Variants in RTTN observed in about 807,000 individuals in gnomAD.
RTTN encodes the protein rotatin.
RTTN carries 182 observed loss-of-function variants against 269.2 expected under a neutral mutation model. That is an observed-to-expected ratio of 0.68 (90% CI 0.60 to 0.76). The LOEUF (loss-of-function observed/expected upper bound fraction) is 0.76, where lower values mean the gene tolerates loss of function less well. Ranked by LOEUF, RTTN falls within the 30% of genes least tolerant of loss-of-function variation. The pLI, the probability that RTTN is intolerant of heterozygous loss-of-function variation, is 0.00. For synonymous variants in RTTN, 1,006 were observed against 963.5 expected (o/e 1.04, Z -0.82); for missense variants, 2,545 against 2,608.6 (o/e 0.98, Z 0.53).
At chr18:70,188,880 G>A (rs1021917398) in intron 9 of RTTN, among the ~76,000 whole-genome samples, 1 of 151,858 alleles carries the variant, frequency 6.6e-6, no homozygotes, top group African/African-American at 2.4e-5. Flanking sequence ...GCATCCCAAA[G>A]GTTAAGTTCT....
chr18:70,086,511 T>C (rs1412580868), intron 32 of RTTN, 102 bp downstream of exon 32: 2 of 952,806 alleles, frequency 2.1e-6, no homozygotes, highest in African/African-American at 1.7e-5. Context: ...TGCTGTCTTG[T>C]ATATAGTTTC....
chr18:70,056,032 A>G (rs2057807780), intron 37 of RTTN, among the ~76,000 whole-genome samples: 1 of 151,962 alleles, frequency 6.6e-6, no homozygotes, highest in Admixed American at 6.6e-5. Context: ...CCCATCCTCA[A>G]TTGCTTTTTT....
At chr18:70,033,505 A>T (rs1226973049) in intron 40 of RTTN, among the ~76,000 whole-genome samples, 1 of 152,250 alleles carries the variant, frequency 6.6e-6, no homozygotes, top group East Asian at 1.9e-4. Flanking sequence ...TAAGGCAGAA[A>T]TCAGTAAGTT....
At chr18:70,110,773 C>A (rs2059444086) in intron 27 of RTTN, among the ~76,000 whole-genome samples, 1 of 152,216 alleles carries the variant, frequency 6.6e-6, no homozygotes, top group African/African-American at 2.4e-5. Context: ...CTCAGCAGGT[C>A]CCACTCCCAC....
chr18:70,105,084 CT>C (rs1411418824), intron 28 of RTTN, among the ~76,000 whole-genome samples: 10 of 152,138 alleles, frequency 6.6e-5, no homozygotes, highest in African/African-American at 2.4e-4. Context: ...CAGCTATGCC[CT>C]GCCCCCAGAA....
chr18:70,140,216 T>G (rs374591512), intron 19 of RTTN, 28 bp from the exon 20 acceptor site: 2 of 1,320,222 alleles, frequency 1.5e-6, no homozygotes, highest in East Asian at 2.3e-5. Context: ...TACTAAAAGT[T>G]AAAGCACATT....
intron 48 of RTTN, among the ~76,000 whole-genome samples, 175 bp downstream of exon 48, chr18:70,005,023 A>C (rs978881014): frequency 1.3e-5 from 2 of 152,198 alleles, no homozygotes; most frequent in Non-Finnish European, 2.9e-5. Context: ...TCACATCTTA[A>C]ACCTTCATCT....
rs1156310217 is a variant in RTTN at position 70,017,416 on chromosome 18, G to T, written c.6412C>A (p.Leu2138Met). The T allele has an allele frequency of 6.2e-7, 1 of 1,613,664 alleles. No homozygotes were observed. The highest frequency in any genetic ancestry group is 1.3e-5 in the African/African-American group (1 of 75,012). ...GTGTGTGAAAACTTACCATTAGCCAGGATCTTGGGTTTATTTGCAGGACTG... is the reference window on the plus strand; with the variant it reads ...GTGTGTGAAAACTTACCATTAGCCATGATCTTGGGTTTATTTGCAGGACTG... ...CFSPANKPKI[L>M]ANEKVITVLA... Residue 2138 changes from leucine (L) to methionine (M), a missense_variant, in exon 46 of 49, where the codon CTG becomes ATG. By Grantham distance (15) the Leu-to-Met change is conservative. Coordinates refer to ENST00000640769, the MANE Select transcript of RTTN (RefSeq NM_173630.4).
At chr18:70,181,499 C>A (rs1022787294) in intron 10 of RTTN, among the ~76,000 whole-genome samples, 3 of 151,910 alleles carry the variant, frequency 2.0e-5, no homozygotes, top group Admixed American at 2.0e-4. Flanking sequence ...TTATTTACTT[C>A]GAGTAATATA....
At chr18:70,122,005 C>T (rs2059750276) in intron 25 of RTTN, among the ~76,000 whole-genome samples, 9 of 152,132 alleles carry the variant, frequency 5.9e-5, no homozygotes, top group Admixed American at 5.9e-4. Context: ...AACACTGACT[C>T]TAATAACCGC....
At chr18:70,195,582 G>C (rs10164074) in intron 7 of RTTN, among the ~76,000 whole-genome samples, 14,411 of 151,918 alleles carry the variant, frequency 0.095, 1,159 homozygotes, top group African/African-American at 0.22. Flanking sequence ...TATCACCTGT[G>C]CCCAGCCTTT....
intron 14 of RTTN, among the ~76,000 whole-genome samples, chr18:70,162,524 G>A (rs990824068): frequency 6.6e-6 from 1 of 152,124 alleles, no homozygotes; most frequent in African/African-American, 2.4e-5. Flanking sequence ...TCACAGGGCG[G>A]CAGGAGAGAG....
intron 28 of RTTN, among the ~76,000 whole-genome samples, chr18:70,093,921 C>T (rs1014105892): frequency 6.6e-6 from 1 of 152,022 alleles, no homozygotes; most frequent in Non-Finnish European, 1.5e-5. Flanking sequence ...CTATGAATCC[C>T]TCTGGTCCTT....
chr18:70,116,454 TAAC>T (rs375018286), intron 26 of RTTN, among the ~76,000 whole-genome samples: 119 of 152,146 alleles, frequency 7.8e-4, no homozygotes, highest in African/African-American at 2.5e-3. Flanking sequence ...ATTTACATGT[TAAC>T]ACTGAAATTC....
At chr18:70,032,504 A>G (rs190551230) in intron 40 of RTTN, among the ~76,000 whole-genome samples, 149 of 152,360 alleles carry the variant, frequency 9.8e-4, no homozygotes, top group African/African-American at 3.1e-3. Flanking sequence ...AAGCAATGAA[A>G]AACAGAAAAA....
rs199575994 is a variant in RTTN, at chr18:70,135,248, C to G, written c.2821G>C (p.Val941Leu). Residue 941 changes from valine (V) to leucine (L), a missense_variant, in exon 22 of 49, where the codon GTG becomes CTG. By Grantham distance (32) the Val-to-Leu change is conservative (BLOSUM62 1). Coordinates refer to ENST00000640769, the MANE Select transcript of RTTN (RefSeq NM_173630.4). ...CAAAATAGTGCTCCAACTTCAGTCA[C>G]GACACTACAATCTTCATGAAATATT... Reference protein sequence around the residue: ...SLIFHEDCSVVTEVGALFCLL... With the variant: ...SLIFHEDCSVLTEVGALFCLL... The G allele has an allele frequency of 4.8e-4, 749 of 1,545,178 alleles. No individual in the cohort carries two copies. The highest frequency in any genetic ancestry group is 5.9e-4 in the Non-Finnish European group (678 of 1,153,406).
chr18:70,068,582 G>C (rs1019763145), intron 34 of RTTN, among the ~76,000 whole-genome samples: 4 of 152,292 alleles, frequency 2.6e-5, no homozygotes, highest in African/African-American at 9.6e-5. Flanking sequence ...CCCCATCCCA[G>C]GTGAAGGAGG....
At chr18:70,183,228 T>A (rs2061458936) in intron 10 of RTTN, among the ~76,000 whole-genome samples, 1 of 152,118 alleles carries the variant, frequency 6.6e-6, no homozygotes, top group African/African-American at 2.4e-5. Flanking sequence ...AGTCTGACAG[T>A]CTCGATGACT....
rs1409042373 is a variant in RTTN, at chr18:70,060,036, T to C, written c.4754A>G (p.Gln1585Arg). The C allele has an allele frequency of 6.2e-7, 1 of 1,608,156 alleles. No homozygotes were observed. Among genetic ancestry groups the C allele is most frequent in the African/African-American group, 1.3e-5 (1 of 74,634 alleles). The change falls in exon 36 of 49, where the codon CAG becomes CGG. Residue 1585 changes from glutamine (Q) to arginine (R), a missense_variant. Coordinates refer to ENST00000640769, the MANE Select transcript of RTTN (RefSeq NM_173630.4). ...AGGTGGCCGTGGTGATGTACTTTCC[T>C]GGTGACCTATTATTGAAAATAAACA... is the stretch of plus-strand genomic sequence containing the variant. ...SHDQFVAQGH[Q>R]ESTSPRPPHD...
Sources: allele counts gnomAD v4.1 joint callset (sites outside exome capture counted in the v4.1 genomes callset), GRCh38; gene constraint gnomAD v4.1.1; transcripts MANE v1.5; gene names NCBI Gene and HGNC (gene_info 2026-07-23, HGNC 2026-07-21).